Variants in DAP3 observed in about 807,000 individuals in gnomAD.
The protein encoded by DAP3 is death associated protein 3.
DAP3 carries 28 observed loss-of-function variants against 51.9 expected under a neutral mutation model. The observed-to-expected ratio is 0.54, with a 90% CI of 0.40 to 0.74. The LOEUF (loss-of-function observed/expected upper bound fraction) is 0.74. Ranked by LOEUF, DAP3 falls within the 30% of genes least tolerant of loss-of-function variation. The probability of loss-of-function intolerance (pLI) is 0.00; values close to 1 mark genes in which losing one functional copy is unlikely to be tolerated. For missense variants in DAP3, 458 were observed against 483.5 expected, an observed-to-expected ratio of 0.95 and a Z score of 0.49; for synonymous variants, 170 against 170.3, an observed-to-expected ratio of 1.00 and a Z score of 0.01.
At chr1:155,727,254 C>G (rs769814798) in intron 6 of DAP3, among the ~76,000 whole-genome samples, 10 of 151,928 alleles carry the variant, frequency 6.6e-5, no homozygotes, top group Non-Finnish European at 1.2e-4. Context: ...TGCCAGAAAG[C>G]AGAAGTGATA....
At chr1:155,706,441 CTA>C (rs1393427106) in intron 1 of DAP3, among the ~76,000 whole-genome samples, 1 of 152,164 alleles carries the variant, frequency 6.6e-6, no homozygotes, top group Non-Finnish European at 1.5e-5. Flanking sequence ...GGTTGCAACT[CTA>C]TGGTTGTTAT....
rs1184841246 is a variant in DAP3 at position 155,694,074 on chromosome 1, C to G, written c.-8+4900C>G. Among the ~76,000 whole-genome samples, 7 of 141,940 alleles carry G rather than the reference C, an allele frequency of 4.9e-5. No homozygotes were observed. In the East Asian group the frequency reaches 7.7e-4, roughly 16 times the overall value. 93.1% of individuals were successfully genotyped at this position (141,940 alleles called of 152,430 possible). A position where few individuals can be genotyped will look rare whatever the true frequency, so the allele number is the denominator to read the frequency against. The stretch of plus-strand genomic sequence containing the variant: ...TCTCTTTTCTGGGCTTAAACTGTTA[C>G]AGTTGAACTGAACTCTGTGGATGAT... On this transcript the variant is annotated intron_variant, in intron 1 of 12. Coordinates refer to ENST00000368336, the MANE Select transcript of DAP3 (RefSeq NM_004632.4).
chr1:155,731,277 A>C, intron 9 of DAP3, 79 bp from the exon 10 acceptor site: 1 of 1,490,082 alleles, frequency 6.7e-7, no homozygotes, highest in Non-Finnish European at 9.3e-7. Context: ...AAAAAAAAAA[A>C]AATTGTTGTC....
At chr1:155,707,597 G>A (rs1656165899) in intron 1 of DAP3, among the ~76,000 whole-genome samples, 1 of 151,910 alleles carries the variant, frequency 6.6e-6, no homozygotes, top group Admixed American at 6.6e-5. Context: ...TAATACACAT[G>A]ATATGAAAAT....
intron 2 of DAP3, 154 bp downstream of exon 2, chr1:155,709,978 A>G (rs574730874): frequency 3.4e-6 from 2 of 586,034 alleles, no homozygotes; most frequent in African/African-American, 1.8e-5. Context: ...AGAATTTACC[A>G]TGGAATAGGA....
chr1:155,689,709 C>T (rs766719735), intron 1 of DAP3: 2 of 288,066 alleles, frequency 6.9e-6, no homozygotes, highest in Admixed American at 4.8e-5. Context: ...GTGAAGAGAT[C>T]GAGACAATCC....
At chr1:155,689,292 C>G in intron 1 of DAP3, 118 bp downstream of exon 1, 1 of 632,148 alleles carries the variant, frequency 1.6e-6, no homozygotes, top group Non-Finnish European at 2.9e-6. Flanking sequence ...GGGATTCCTC[C>G]CGGGCGTTGA....
At chr1:155,692,195 G>A (rs543171729) in intron 1 of DAP3, among the ~76,000 whole-genome samples, 10 of 141,624 alleles carry the variant, frequency 7.1e-5, no homozygotes, top group South Asian at 6.2e-4. Context: ...TCAGAGGAGC[G>A]TCTTTCTTCT....
In DAP3 at chr1:155,737,065, T is replaced by TC; in HGVS notation, c.1111+4dup. 3 of 1,603,884 alleles carry TC rather than the reference T, an allele frequency of 1.9e-6. No individual in the cohort carries two copies. Among genetic ancestry groups the TC allele is most frequent in the Non-Finnish European group, 1.7e-6 (2 of 1,171,064 alleles). On this transcript the variant is annotated splice_region_variant and intron_variant, in intron 12 of 12. Coordinates refer to ENST00000368336, the MANE Select transcript of DAP3 (RefSeq NM_004632.4). ...ACAATTGGCTTCAACATGAGAAAGG[T>TC]CCATCATTTAGTTTTTTCCTATCAG...
At chr1:155,718,641 G>A (rs1403555186) in intron 3 of DAP3, among the ~76,000 whole-genome samples, 2 of 151,050 alleles carry the variant, frequency 1.3e-5, no homozygotes, top group African/African-American at 2.4e-5. Flanking sequence ...AGCTGAGATC[G>A]TGCTACTGCA....
chr1:155,727,800 G>A (rs1658776720), intron 7 of DAP3, 62 bp downstream of exon 7: 1 of 1,568,664 alleles, frequency 6.4e-7, no homozygotes, highest in African/African-American at 1.4e-5. Flanking sequence ...TGTGCCCTGA[G>A]TACCAATAGA....
At chr1:155,734,602 G>A (rs888044479) in intron 11 of DAP3, among the ~76,000 whole-genome samples, 1 of 152,030 alleles carries the variant, frequency 6.6e-6, no homozygotes, top group African/African-American at 2.4e-5. Context: ...TTTTAGAGGA[G>A]ACTGGTATTT....
chr1:155,704,042 G>A (rs186361998), intron 1 of DAP3, among the ~76,000 whole-genome samples: 1 of 152,278 alleles, frequency 6.6e-6, no homozygotes, highest in East Asian at 1.9e-4. Flanking sequence ...AGTTACTTAG[G>A]AGGCTGAGAA....
intron 11 of DAP3, 169 bp from the exon 12 acceptor site, chr1:155,736,777 G>A: frequency 1.5e-6 from 1 of 647,814 alleles, no homozygotes; most frequent in East Asian, 2.7e-5. Context: ...GCCACCATAT[G>A]TGGAGTCCAT....
chr1:155,731,322 G>A, intron 9 of DAP3, 34 bp from the exon 10 acceptor site: 1 of 1,603,904 alleles, frequency 6.2e-7, no homozygotes, highest in Non-Finnish European at 8.5e-7. Flanking sequence ...AAAGGCACGT[G>A]ATGATCTCTT....
chr1:155,704,568 C>T (rs1009097031), intron 1 of DAP3, among the ~76,000 whole-genome samples: 2 of 152,190 alleles, frequency 1.3e-5, no homozygotes, highest in Non-Finnish European at 2.9e-5. Flanking sequence ...AAAAGGCAGG[C>T]AGGCCAGTAG....
At chr1:155,693,055 C>G (rs2149104940) in intron 1 of DAP3, among the ~76,000 whole-genome samples, 1 of 141,598 alleles carries the variant, frequency 7.1e-6, no homozygotes, top group South Asian at 2.1e-4. Context: ...GGTAAACACT[C>G]CCTTTAACAT....
At chr1:155,726,285 A>ATT (rs1174524977) in intron 6 of DAP3, 199 of 120,402 alleles carry the variant, frequency 1.7e-3, no homozygotes, top group South Asian at 4.9e-3. Context: ...CGCCCAGCTA[A>ATT]TTTTTTTTTT....
intron 1 of DAP3, among the ~76,000 whole-genome samples, chr1:155,703,204 A>C (rs1558342166): frequency 6.6e-6 from 1 of 152,116 alleles, no homozygotes; most frequent in Admixed American, 6.6e-5. Context: ...ATAAAGACAC[A>C]CCCAAGACTG....
Sources: gnomAD v4.1 joint callset for allele counts (sites outside exome capture counted in the v4.1 genomes callset) on GRCh38, gnomAD v4.1.1 for gene constraint, MANE v1.5 for transcripts, NCBI Gene and HGNC (gene_info 2026-07-23, HGNC 2026-07-21) for gene names.